Variants in PPP2R1A observed in about 807,000 individuals in gnomAD.
The protein encoded by PPP2R1A is serine/threonine-protein phosphatase 2A 65 kDa regulatory subunit A alpha isoform.
PPP2R1A carries 15 observed loss-of-function variants against 67.1 expected under a neutral mutation model. That is an observed-to-expected ratio of 0.22 (90% confidence interval 0.15 to 0.34). The LOEUF (loss-of-function observed/expected upper bound fraction) is 0.34, where lower values mean the gene tolerates loss of function less well. PPP2R1A is among the 10% of genes least tolerant of loss of function. The probability of loss-of-function intolerance (pLI) is 1.00; values close to 1 mark genes in which losing one functional copy is unlikely to be tolerated. For synonymous variants in PPP2R1A, 337 were observed against 325.0 expected (o/e 1.04, Z -0.40); for missense variants, 369 against 775.0 (o/e 0.48, Z 6.22).
intron 9 of PPP2R1A, among the ~76,000 whole-genome samples, chr19:52,217,384 A>T (rs914131744): frequency 2.0e-5 from 3 of 152,128 alleles, no homozygotes; most frequent in Non-Finnish European, 4.4e-5. Flanking sequence ...AACATTTTCC[A>T]TAGAGACAAG....
intron 1 of PPP2R1A, among the ~76,000 whole-genome samples, chr19:52,197,976 A>G (rs1455239177): frequency 6.6e-6 from 1 of 152,254 alleles, no homozygotes; most frequent in Non-Finnish European, 1.5e-5. Context: ...TCAGTGGACC[A>G]GCTGCCACGA....
chr19:52,214,382 C>T lies in PPP2R1A; in HGVS notation c.807+1272C>T, dbSNP rs555278014. On this transcript the variant is annotated intron_variant, in intron 6 of 14. Transcript: ENST00000322088. ...GGAAGGACTCAGAGCTTCAGAATAG[C>T]GTACCATCACCACAGTTAGGGAAGG... 2.4e-4 allele frequency among the ~76,000 whole-genome samples: 37 copies of T among 152,244 alleles called. No homozygotes were observed. In the South Asian group the frequency reaches 7.7e-3, roughly 32 times the overall value.
chr19:52,214,918 G>T (rs1334609441), intron 6 of PPP2R1A, among the ~76,000 whole-genome samples: 1 of 152,052 alleles, frequency 6.6e-6, no homozygotes, highest in East Asian at 1.9e-4. Context: ...TAGAGATGGG[G>T]TTTCACCATG....
Position 52,216,084 on chromosome 19 carries a change from A to G in PPP2R1A, c.993+10A>G. 6.2e-7 allele frequency: 1 copy of G among 1,610,072 alleles called. No individual in the cohort carries two copies. The highest frequency in any genetic ancestry group is 8.5e-7 in the Non-Finnish European group (1 of 1,176,434). ...CTTGCCCTGCATCAAGGTAACAGAG[A>G]GTTTGATGGGAGGAACCAAGTGGAT... On this transcript the variant is annotated intron_variant, in intron 8 of 14. Coordinates refer to ENST00000322088, the MANE Select transcript of PPP2R1A (RefSeq NM_014225.6). The surrounding 1 kb of genome is among the most constrained non-coding windows in gnomAD (Gnocchi z 4.3).
chr19:52,216,439 G>A lies in PPP2R1A; in HGVS notation c.994-90G>A. On this transcript the variant is annotated intron_variant, in intron 8 of 14. Coordinates refer to ENST00000322088, the MANE Select transcript of PPP2R1A (RefSeq NM_014225.6). The surrounding 1 kb of genome is among the most constrained non-coding windows in gnomAD (Gnocchi z 4.3). Reference sequence around the variant, plus strand: ...CTATGAATGAGAGGGGCAGAAGCAGGTTATTGTCTCTTAGGAGTTGGCATC... The same window carrying A: ...CTATGAATGAGAGGGGCAGAAGCAGATTATTGTCTCTTAGGAGTTGGCATC... 6.6e-7 allele frequency: 1 copy of A among 1,508,168 alleles called. No individual in the cohort carries two copies. Among genetic ancestry groups the A allele is most frequent in the Admixed American group, 1.8e-5 (1 of 56,420 alleles). The allele number at this position is 1,508,168 out of a possible 1,614,324, so 93.4% of individuals were successfully genotyped here. A position where few individuals can be genotyped will look rare whatever the true frequency, so the allele number is the denominator to read the frequency against.
chr19:52,190,236 C>G lies in PPP2R1A; in HGVS notation c.78+62C>G, dbSNP rs575654670. The G allele has an allele frequency of 6.6e-6, 10 of 1,520,700 alleles. No individual in the cohort carries two copies. In the African/African-American group the frequency reaches 7.0e-5, roughly 11 times the overall value. 94.2% of individuals were successfully genotyped at this position (1,520,700 alleles called of 1,614,324 possible). ...GGGGTACCTGGGGGCACGGGCGGCC[C>G]TCGCGGAGAAGACTCAGCGTTCGCT... On this transcript the variant is annotated intron_variant, in intron 1 of 14. Coordinates refer to ENST00000322088, the MANE Select transcript of PPP2R1A (RefSeq NM_014225.6).
rs1437987811 is a variant in PPP2R1A, at chr19:52,219,237, G to A, written c.1129-454G>A. ...TGCCAGGCTTGTTCACTTGGTTATT[G>A]ATTCATTTCAGTGCTCCTTTATTTA... On this transcript the variant is annotated intron_variant, in intron 9 of 14. Coordinates refer to ENST00000322088, the MANE Select transcript of PPP2R1A (RefSeq NM_014225.6). This position sits in a 1 kb window ranked among gnomAD's most constrained non-coding sequence, Gnocchi z 4.0. Among the ~76,000 whole-genome samples the A allele has an allele frequency of 6.6e-6, 1 of 152,160 alleles. No homozygotes were observed. Among genetic ancestry groups the A allele is most frequent in the Admixed American group, 6.5e-5 (1 of 15,280 alleles).
chr19:52,200,166 C>T (rs112209209), intron 1 of PPP2R1A: 1 of 152,260 alleles, frequency 6.6e-6, no homozygotes, highest in African/African-American at 2.4e-5. Context: ...CCTGTTCTGC[C>T]TCTATCCAGG....
intron 1 of PPP2R1A, chr19:52,190,414 G>T (rs988948257): frequency 3.5e-6 from 2 of 575,928 alleles, no homozygotes; most frequent in African/African-American, 1.9e-5. Context: ...TGCCCTGTGC[G>T]CGCGGCGGTC....
chr19:52,225,736 A>C lies in PPP2R1A; in HGVS notation c.1681A>C (p.Lys561Gln), dbSNP rs368375470. 2 of 1,614,016 alleles carry C rather than the reference A, an allele frequency of 1.2e-6. No individual in the cohort carries two copies. The highest frequency in any genetic ancestry group is 1.7e-6 in the Non-Finnish European group (2 of 1,180,038). The change falls in exon 14 of 15, where the codon AAG becomes CAG. Residue 561 changes from lysine to glutamine, a missense_variant. By Grantham distance (53) the Lys-to-Gln change is moderately conservative. Around this residue, in one of 2 missense-constraint regions of PPP2R1A, gnomAD observed 276 missense variants for 508.4 expected, o/e 0.54. Transcript: ENST00000322088. Reference protein sequence around the residue: ...LDNSTLQSEVKPILEKLTQDQ... With the variant: ...LDNSTLQSEVQPILEKLTQDQ... ...TTCCAGCACCTTGCAGAGTGAAGTC[A>C]AGCCCATCCTAGAGAAGCTGACCCA...
chr19:52,215,683 C>A, intron 6 of PPP2R1A, 96 bp from the exon 7 acceptor site: 1 of 985,514 alleles, frequency 1.0e-6, no homozygotes, highest in Non-Finnish European at 1.6e-6. Context: ...ACGCTCTGTC[C>A]CCTAATTCTG....
intron 9 of PPP2R1A, among the ~76,000 whole-genome samples, chr19:52,217,997 T>C (rs1568597002): frequency 6.6e-6 from 1 of 152,082 alleles, no homozygotes; most frequent in African/African-American, 2.4e-5. Flanking sequence ...AACCGGAGGC[T>C]GTGGGAGTCT....
intron 1 of PPP2R1A, among the ~76,000 whole-genome samples, chr19:52,196,953 T>C (rs767945486): frequency 1.6e-4 from 24 of 152,120 alleles, no homozygotes; most frequent in Non-Finnish European, 3.1e-4. Context: ...CAGATGTTAG[T>C]TTTATAGTCA....
intron 1 of PPP2R1A, among the ~76,000 whole-genome samples, chr19:52,200,922 CTGTTTTGA>C (rs1568587516): frequency 5.3e-5 from 8 of 152,224 alleles, no homozygotes; most frequent in African/African-American, 1.9e-4. Context: ...TCTGCAAAGA[CTGTTTTGA>C]CGTGCACGTC....
In PPP2R1A at chr19:52,216,131, G is replaced by T. The variant is rs1978555219; in HGVS notation, c.993+57G>T. The T allele has an allele frequency of 6.4e-7, 1 of 1,555,578 alleles. No homozygotes were observed. The highest frequency in any genetic ancestry group is 8.9e-7 in the Non-Finnish European group (1 of 1,127,498). On this transcript the variant is annotated intron_variant, in intron 8 of 14. Coordinates refer to ENST00000322088, the MANE Select transcript of PPP2R1A (RefSeq NM_014225.6). The surrounding 1 kb of genome is among the most constrained non-coding windows in gnomAD (Gnocchi z 4.3). ...GGATCCGAGCCTGCCAAAAAGAGGG[G>T]CTGGAGACAAGGCTTTGGGGATAGT...
At chr19:52,222,336 G>C in intron 13 of PPP2R1A, 95 bp downstream of exon 13, 1 of 1,475,846 alleles carries the variant, frequency 6.8e-7, no homozygotes, top group East Asian at 2.4e-5. Context: ...TCAGAGGCCT[G>C]GCAGCGCTCC....
At chr19:52,225,611 G>A in intron 13 of PPP2R1A, 106 bp from the exon 14 acceptor site, 1 of 973,938 alleles carries the variant, frequency 1.0e-6, no homozygotes, top group Non-Finnish European at 1.6e-6. Flanking sequence ...TGGGTTTGGT[G>A]TATCCGTGTC....
At chr19:52,207,422 T>C (rs2089615606) in intron 3 of PPP2R1A, among the ~76,000 whole-genome samples, 1 of 152,180 alleles carries the variant, frequency 6.6e-6, no homozygotes, top group South Asian at 2.1e-4. Context: ...GGACTCAGGC[T>C]TGCTGTGGAG....
chr19:52,210,738 C>T lies in PPP2R1A; in HGVS notation c.271-522C>T, dbSNP rs944066009. 3.4e-4 allele frequency among the ~76,000 whole-genome samples: 52 copies of T among 152,232 alleles called. 1 individual carries two copies. Among genetic ancestry groups the T allele is most frequent in the South Asian group, 6.2e-4 (3 of 4,820 alleles). On this transcript the variant is annotated intron_variant, in intron 3 of 14. Transcript: ENST00000322088. ...TGAACTCCTGACCTCGTGATCCACC[C>T]GCTTCAGCCTCCCATAGTGCTGGGA...
Sources: gnomAD v4.1 joint callset for allele counts (sites outside exome capture counted in the v4.1 genomes callset) on GRCh38, gnomAD v4.1.1 for gene constraint, gnomAD v4.1.1 regional missense constraint, Gnocchi (gnomAD v3.1) non-coding constraint, MANE v1.5 for transcripts, NCBI Gene and HGNC (gene_info 2026-07-23, HGNC 2026-07-21) for gene names.